Variants in SNTG2 observed in about 807,000 individuals in gnomAD.
The protein encoded by SNTG2 is gamma-2-syntrophin.
Under a neutral mutation model 70.9 loss-of-function variants are expected in SNTG2, and 74 were observed. That is an observed-to-expected ratio of 1.04 (90% CI 0.86 to 1.27). SNTG2 has a LOEUF of 1.27. SNTG2 is among the 50% of genes most tolerant of loss of function. The pLI, the probability that SNTG2 is intolerant of heterozygous loss-of-function variation, is 0.00. For synonymous variants in SNTG2, 278 were observed against 273.8 expected, an observed-to-expected ratio of 1.02 and a Z score of -0.15; for missense variants, 717 against 690.7, an observed-to-expected ratio of 1.04 and a Z score of -0.43.
At chr2:1,349,409 A>T (rs1660462965) in intron 16 of SNTG2, among the ~76,000 whole-genome samples, 1 of 152,230 alleles carries the variant, frequency 6.6e-6, no homozygotes, top group South Asian at 2.1e-4. Context: ...TGATTTACCT[A>T]TGCAGAGCTC....
At chr2:954,106 C>T (rs552415676) in intron 1 of SNTG2, among the ~76,000 whole-genome samples, 13 of 152,210 alleles carry the variant, frequency 8.5e-5, no homozygotes, top group African/African-American at 1.2e-4. Context: ...AGCAGGCACA[C>T]GAGGGACCCC....
At chr2:1,142,282 A>G (rs1392003076) in intron 6 of SNTG2, among the ~76,000 whole-genome samples, 1 of 152,200 alleles carries the variant, frequency 6.6e-6, no homozygotes, top group African/African-American at 2.4e-5. Context: ...CTGCAGGTCA[A>G]ACCATCAGCC....
At chr2:1,001,290 A>G (rs987582220) in intron 1 of SNTG2, among the ~76,000 whole-genome samples, 1 of 152,104 alleles carries the variant, frequency 6.6e-6, no homozygotes. Flanking sequence ...AGAGAAAGAC[A>G]TAAAAGACAT....
Position 1,221,041 on chromosome 2 carries a change from G to T in SNTG2, c.719+11811G>T, listed in dbSNP as rs192247825. On this transcript the variant is annotated intron_variant, in intron 9 of 16. Transcript: ENST00000308624. ...GAGCAGCTCTGAGTTGCCTTCTCTGGGTGGAACTGCATCTGCTCCTTCTTT... is the reference window on the plus strand; with the variant it reads ...GAGCAGCTCTGAGTTGCCTTCTCTGTGTGGAACTGCATCTGCTCCTTCTTT... Among the ~76,000 whole-genome samples the T allele has an allele frequency of 6.8e-4, 104 of 152,342 alleles. 2 individuals carry two copies. Among genetic ancestry groups the T allele is most frequent in the African/African-American group, 2.4e-3 (100 of 41,584 alleles).
intron 16 of SNTG2, among the ~76,000 whole-genome samples, chr2:1,322,528 A>C (rs1322838614): frequency 6.6e-6 from 1 of 152,188 alleles, no homozygotes; most frequent in Non-Finnish European, 1.5e-5. Context: ...GAAATAATAA[A>C]AATTAATATG....
intron 16 of SNTG2, among the ~76,000 whole-genome samples, chr2:1,365,911 G>A (rs1558235809): frequency 6.6e-6 from 1 of 152,122 alleles, no homozygotes; most frequent in South Asian, 2.1e-4. Context: ...GGGGAGGGAG[G>A]GCTTTACCCG....
intron 4 of SNTG2, among the ~76,000 whole-genome samples, chr2:1,101,530 G>C (rs1405172036): frequency 6.6e-6 from 1 of 152,172 alleles, no homozygotes; most frequent in Non-Finnish European, 1.5e-5. Flanking sequence ...TGCATGTTTT[G>C]CAGGAAGCAG....
At chr2:1,150,353 A>C (rs5006487) in intron 6 of SNTG2, among the ~76,000 whole-genome samples, 142,571 of 152,198 alleles carry the variant, frequency 0.94, 66,907 homozygotes, top group Non-Finnish European at 0.97. Flanking sequence ...GAGTGAGTGA[A>C]ATGTATAAAA....
At chr2:1,058,543 G>A (rs956220703) in intron 1 of SNTG2, among the ~76,000 whole-genome samples, 9 of 152,168 alleles carry the variant, frequency 5.9e-5, no homozygotes, top group Non-Finnish European at 1.2e-4. Flanking sequence ...ACCTGTTACT[G>A]CATAGATGCA....
intron 4 of SNTG2, chr2:1,102,818 AG>A (rs1234295669): frequency 6.6e-6 from 1 of 152,432 alleles, no homozygotes; most frequent in Non-Finnish European, 1.5e-5. Flanking sequence ...GGCCTGAGTT[AG>A]GAGTGTGGAC....
chr2:1,210,135 T>C (rs1323660059), intron 9 of SNTG2, among the ~76,000 whole-genome samples: 1 of 152,182 alleles, frequency 6.6e-6, no homozygotes, highest in African/African-American at 2.4e-5. Context: ...TCTATATTAA[T>C]TGGTATTAGC....
In SNTG2 at chr2:1,178,249, CAG is replaced by C. The variant is rs375031989; in HGVS notation, c.591+5067_591+5068del. Among the ~76,000 whole-genome samples the C allele has an allele frequency of 4.1e-4, 63 of 152,302 alleles. 1 individual carries two copies. The East Asian group carries it at 7.0e-3, about 17-fold the overall frequency. On this transcript the variant is annotated intron_variant, in intron 8 of 16. Coordinates refer to ENST00000308624, the MANE Select transcript of SNTG2 (RefSeq NM_018968.4). ...GATATACAATCCTGTCATCTTCAAA[CAG>C]GGACAATTTGACTTCCTCTTTTCCT...
intron 2 of SNTG2, among the ~76,000 whole-genome samples, chr2:1,085,780 G>A (rs576717871): frequency 6.6e-5 from 10 of 152,330 alleles, no homozygotes; most frequent in Admixed American, 4.6e-4. Context: ...GGGCTTTCAG[G>A]ACGGGAGAGC....
chr2:1,170,248 C>CAGA (rs1390085106), intron 7 of SNTG2, among the ~76,000 whole-genome samples: 1 of 152,190 alleles, frequency 6.6e-6, no homozygotes, highest in Non-Finnish European at 1.5e-5. Flanking sequence ...ATTCATGCAA[C>CAGA]AGAAAATTCA....
At position 1,034,564 on chromosome 2, in the gene SNTG2, C is replaced by T. The variant is rs186105238; in HGVS notation, c.73-48954C>T. 1.7e-3 allele frequency among the ~76,000 whole-genome samples: 252 copies of T among 152,280 alleles called. 2 individuals are homozygous for T. The highest frequency in any genetic ancestry group is 5.8e-3 in the African/African-American group (242 of 41,552). On this transcript the variant is annotated intron_variant, in intron 1 of 16. Transcript: ENST00000308624. ...CTTCCACAATGGTTGAACTAATTTA[C>T]GCTTCCACCAACAGGGTATAAGTGT...
intron 7 of SNTG2, among the ~76,000 whole-genome samples, chr2:1,172,371 C>A (rs977382911): frequency 6.6e-6 from 1 of 152,174 alleles, no homozygotes; most frequent in Non-Finnish European, 1.5e-5. Flanking sequence ...CACAAAAATG[C>A]TGGGCTAAAA....
At chr2:1,204,701 C>T (rs568846988) in intron 8 of SNTG2, among the ~76,000 whole-genome samples, 3 of 152,234 alleles carry the variant, frequency 2.0e-5, no homozygotes, top group South Asian at 2.1e-4. Flanking sequence ...TGTAATTCCT[C>T]TATTGTATTA....
chr2:1,008,444 A>G (rs1320885037), intron 1 of SNTG2, among the ~76,000 whole-genome samples: 1 of 152,198 alleles, frequency 6.6e-6, no homozygotes, highest in East Asian at 1.9e-4. Flanking sequence ...CAAAAAAGGG[A>G]TGTTCAGGTA....
At chr2:1,124,897 C>T (rs1667609889) in intron 4 of SNTG2, among the ~76,000 whole-genome samples, 1 of 152,150 alleles carries the variant, frequency 6.6e-6, no homozygotes, top group Admixed American at 6.5e-5. Context: ...GAAGGTCACA[C>T]AATCATACCG....
Sources: gnomAD v4.1 joint callset for allele counts (sites outside exome capture counted in the v4.1 genomes callset) on GRCh38, gnomAD v4.1.1 for gene constraint, MANE v1.5 for transcripts, NCBI Gene and HGNC (gene_info 2026-07-23, HGNC 2026-07-21) for gene names.